Variants in CCDC171 observed in about 807,000 individuals in gnomAD.
CCDC171 encodes the protein coiled-coil domain containing 171.
Under a neutral mutation model 168.2 loss-of-function variants are expected in CCDC171, and 177 were observed. The observed-to-expected ratio is 1.05, with a 90% CI of 0.93 to 1.19. The LOEUF (loss-of-function observed/expected upper bound fraction) is 1.19. CCDC171 is among the 50% of genes most tolerant of loss of function. The pLI, the probability that CCDC171 is intolerant of heterozygous loss-of-function variation, is 0.00. For missense variants in CCDC171, 1,991 were observed against 1,539.0 expected (o/e 1.29, Z -4.91); for synonymous variants, 687 against 540.8 (o/e 1.27, Z -3.75).
intron 7 of CCDC171, among the ~76,000 whole-genome samples, chr9:15,626,908 T>G (rs886670417): frequency 6.6e-6 from 1 of 152,236 alleles, no homozygotes; most frequent in Non-Finnish European, 1.5e-5. Flanking sequence ...CTCCTCCTTG[T>G]ACCTCTGGTA....
chr9:15,926,480 G>A (rs559987017), intron 25 of CCDC171, among the ~76,000 whole-genome samples: 1 of 151,364 alleles, frequency 6.6e-6, no homozygotes, highest in African/African-American at 2.4e-5. Context: ...TTCCACTTCT[G>A]ACCATTTTGT....
At chr9:15,702,220 C>T (rs755621630) in intron 11 of CCDC171, among the ~76,000 whole-genome samples, 15 of 152,174 alleles carry the variant, frequency 9.9e-5, no homozygotes, top group African/African-American at 2.4e-5. Context: ...AGCTGTCATC[C>T]GTATGAGCTG....
rs1185728383 is a variant in CCDC171, at chr9:15,657,174, AAG to A, written c.873_874del (p.Arg291SerfsTer9). 5 of 1,611,940 alleles carry A rather than the reference AAG, an allele frequency of 3.1e-6. No homozygotes were observed. Among genetic ancestry groups the A allele is most frequent in the Admixed American group, 1.7e-5 (1 of 59,688 alleles). ...RKLEENIEAE[R>X]AAHLESKFNS... The stretch of plus-strand genomic sequence containing the variant: ...AATTAGAAGAAAACATTGAAGCAGA[AAG>A]AGCAGCGCATTTGGAATCAAAATTT... On this transcript the variant is annotated frameshift_variant, in exon 8 of 26. Coordinates refer to ENST00000380701, the MANE Select transcript of CCDC171 (RefSeq NM_173550.4). LOFTEE classifies it high-confidence loss of function.
At chr9:15,856,217 T>A (rs1284764916) in intron 23 of CCDC171, among the ~76,000 whole-genome samples, 1 of 151,942 alleles carries the variant, frequency 6.6e-6, no homozygotes, top group East Asian at 1.9e-4. Context: ...TCTTAATGGA[T>A]TTTTCGTATG....
chr9:16,025,764 G>A (rs751830749), intron 6 of CCDC171, among the ~76,000 whole-genome samples: 1 of 152,156 alleles, frequency 6.6e-6, no homozygotes, highest in African/African-American at 2.4e-5. Context: ...ACAGAAAGCA[G>A]ATCAGTGGTT....
chr9:15,951,201 A>G (rs1396223150), intron 25 of CCDC171, among the ~76,000 whole-genome samples: 1 of 150,384 alleles, frequency 6.6e-6, no homozygotes, highest in African/African-American at 2.4e-5. Flanking sequence ...CACTGTCAAC[A>G]TTGGACAGAT....
chr9:15,842,793 A>G (rs2060736991), intron 21 of CCDC171, among the ~76,000 whole-genome samples: 1 of 151,930 alleles, frequency 6.6e-6, no homozygotes, highest in Non-Finnish European at 1.5e-5. Context: ...TTTTATAATT[A>G]ATTAAAAATT....
rs572393249 is a variant in CCDC171, at chr9:15,839,086, A to G, written c.3268-7616A>G. 3.3e-5 allele frequency among the ~76,000 whole-genome samples: 5 copies of G among 152,310 alleles called. No individual in the cohort carries two copies. In the East Asian group the frequency reaches 7.7e-4, roughly 24 times the overall value. On this transcript the variant is annotated intron_variant, in intron 21 of 25. Coordinates refer to ENST00000380701, the MANE Select transcript of CCDC171 (RefSeq NM_173550.4). ...CTATACTACAATGGAGTGCTGTACA[A>G]TTCATCATTTCTTTACAAATATTTA...
intron 16 of CCDC171, among the ~76,000 whole-genome samples, chr9:15,732,046 G>T (rs2054184550): frequency 6.6e-6 from 1 of 151,772 alleles, no homozygotes; most frequent in African/African-American, 2.4e-5. Flanking sequence ...GAGATATTTG[G>T]TTTTTATTAT....
intron 25 of CCDC171, among the ~76,000 whole-genome samples, chr9:15,927,813 C>T (rs1325812665): frequency 1.3e-5 from 2 of 151,614 alleles, no homozygotes; most frequent in African/African-American, 4.8e-5. Flanking sequence ...GCAGAGGGAT[C>T]ATTTGTTAAT....
intron 8 of CCDC171, among the ~76,000 whole-genome samples, chr9:15,661,598 A>T (rs2048329306): frequency 1.3e-5 from 2 of 152,246 alleles, no homozygotes; most frequent in South Asian, 4.1e-4. Flanking sequence ...GTTTCAGAGC[A>T]GTTTAATGGA....
intron 10 of CCDC171, among the ~76,000 whole-genome samples, chr9:15,688,517 C>T (rs1369021990): frequency 6.6e-6 from 1 of 152,160 alleles, no homozygotes; most frequent in African/African-American, 2.4e-5. Flanking sequence ...AAAGATATTA[C>T]ACCATGATCA....
At chr9:16,029,531 G>C (rs1833333552) in intron 6 of CCDC171, among the ~76,000 whole-genome samples, 1 of 152,226 alleles carries the variant, frequency 6.6e-6, no homozygotes, top group South Asian at 2.1e-4. Context: ...AAGGTTGAGG[G>C]AATAGGGGCA....
the CCDC171 span, among the ~76,000 whole-genome samples, chr9:16,069,371 A>G: frequency 8.5e-5 from 13 of 152,368 alleles, no homozygotes; most frequent in East Asian, 2.3e-3. Context: ...GCCAGGTAGT[A>G]TCATCAATCA....
At chr9:15,833,913 A>G (rs2060336476) in intron 21 of CCDC171, among the ~76,000 whole-genome samples, 1 of 152,156 alleles carries the variant, frequency 6.6e-6, no homozygotes, top group South Asian at 2.1e-4. Context: ...AAGGACCTGA[A>G]CCCAGAGATG....
chr9:16,020,062 C>T (rs1032084751), intron 3 of CCDC171, among the ~76,000 whole-genome samples: 1 of 152,198 alleles, frequency 6.6e-6, no homozygotes, highest in African/African-American at 2.4e-5. Context: ...GACCTCTCTA[C>T]TGGCTGAGCA....
Position 15,717,045 on chromosome 9 carries a change from C to G in CCDC171, c.1319-4724C>G, listed in dbSNP as rs114285199. ...GAACCAAAAATCAGATGAGCAGTCA[C>G]AGTACCTGTTTTAAACTTCATATCA... On this transcript the variant is annotated intron_variant, in intron 11 of 25. Transcript: ENST00000380701. Among the ~76,000 whole-genome samples, 117 of 152,316 alleles carry G rather than the reference C, an allele frequency of 7.7e-4. 3 individuals carry two copies. Among genetic ancestry groups the G allele is most frequent in the African/African-American group, 2.7e-3 (112 of 41,562 alleles).
intron 6 of CCDC171, among the ~76,000 whole-genome samples, chr9:15,619,966 A>G (rs1290050450): frequency 6.6e-6 from 1 of 152,214 alleles, no homozygotes; most frequent in Non-Finnish European, 1.5e-5. Context: ...AGCCCAGATG[A>G]CAGCTCATCT....
At chr9:15,917,188 A>G (rs1266888127) in intron 24 of CCDC171, among the ~76,000 whole-genome samples, 3 of 151,934 alleles carry the variant, frequency 2.0e-5, no homozygotes, top group Admixed American at 6.6e-5. Flanking sequence ...CTGGAAGTTA[A>G]CATTCTTTAT....
Sources: gnomAD v4.1 joint callset for allele counts (sites outside exome capture counted in the v4.1 genomes callset) on GRCh38, gnomAD v4.1.1 for gene constraint, MANE v1.5 for transcripts, NCBI Gene and HGNC (gene_info 2026-07-23, HGNC 2026-07-21) for gene names.